DMD: variants seen among roughly 807,000 people sequenced by gnomAD.
DMD encodes mutant dystrophin.
In DMD, 63 loss-of-function variants were observed where a neutral mutation model predicts 330.1. That is an observed-to-expected ratio of 0.19 (90% CI 0.16 to 0.24). The LOEUF is 0.24. Among genes scored for constraint, DMD ranks in the 10% least tolerant of loss-of-function variants. The pLI is 1.00. For missense variants in DMD, 3,344 were observed against 2,684.1 expected (o/e 1.25, Z -5.43); for synonymous variants, 1,223 against 959.8 (o/e 1.27, Z -5.07).
intron 67 of DMD, among the ~76,000 whole-genome samples, chrX:31,193,082 G>A (rs184160800): frequency 1.4e-3 from 153 of 111,377 alleles, no homozygotes; most frequent in Non-Finnish European, 2.2e-3. Flanking sequence ...TAGATGCTAC[G>A]GCATGTATGA....
At chrX:33,331,705 T>G (rs1488993181) in intron 1 of DMD, among the ~76,000 whole-genome samples, 2 of 111,694 alleles carry the variant, frequency 1.8e-5, no homozygotes, top group Admixed American at 1.9e-4. Context: ...CACCTACGTT[T>G]CCAGTTGTCA....
intron 18 of DMD, among the ~76,000 whole-genome samples, chrX:32,503,917 T>C (rs2044347439): frequency 8.9e-6 from 1 of 111,908 alleles, no homozygotes; most frequent in African/African-American, 3.3e-5. Flanking sequence ...GACCTGACGA[T>C]ATCTGACTTC....
At chrX:31,544,061 G>T (rs143648787) in intron 55 of DMD, among the ~76,000 whole-genome samples, 31 of 111,342 alleles carry the variant, frequency 2.8e-4, no homozygotes, top group African/African-American at 9.4e-4. Flanking sequence ...CTATGCGGCT[G>T]GGTGCGGTGG....
chrX:31,962,444 A>G (rs182760027), intron 45 of DMD, among the ~76,000 whole-genome samples: 95 of 111,962 alleles, frequency 8.5e-4, no homozygotes, highest in Admixed American at 3.1e-3. Context: ...TGGAAATCTT[A>G]TTAAAAATGC....
intron 49 of DMD, among the ~76,000 whole-genome samples, chrX:31,830,634 G>GA (rs1301982147): frequency 8.9e-6 from 1 of 111,746 alleles, no homozygotes; most frequent in Non-Finnish European, 1.9e-5. Flanking sequence ...TAAGAAAAAT[G>GA]AAAAAAACAG....
At chrX:32,614,157 C>G in intron 12 of DMD, 146 bp downstream of exon 12, 1 of 597,086 alleles carries the variant, frequency 1.7e-6, no homozygotes, top group Non-Finnish European at 2.5e-6. Context: ...ATTGCAAAAA[C>G]AATTAGGTAA....
chrX:31,405,779 T>TA, intron 60 of DMD, among the ~76,000 whole-genome samples: 1 of 111,619 alleles, frequency 9.0e-6, no homozygotes, highest in South Asian at 3.7e-4. Context: ...ACCACAGTGG[T>TA]AAACCATATA....
chrX:31,691,333 A>G (rs1025997994), intron 52 of DMD, among the ~76,000 whole-genome samples: 1 of 111,816 alleles, frequency 8.9e-6, no homozygotes, highest in African/African-American at 3.2e-5. Flanking sequence ...AAACCATCAA[A>G]ACACAAAGGA....
At chrX:32,485,224 A>C in intron 20 of DMD, 125 bp from the exon 21 acceptor site, 1 of 637,487 alleles carries the variant, frequency 1.6e-6, no homozygotes, top group Non-Finnish European at 2.5e-6. Flanking sequence ...ATCTGATAAG[A>C]AACATCCATG....
intron 9 of DMD, among the ~76,000 whole-genome samples, chrX:32,650,041 G>C: frequency 9.0e-6 from 1 of 111,072 alleles, no homozygotes. Flanking sequence ...AATGAGCTCT[G>C]TGTGTTTCTG....
chrX:32,456,396 A>G (rs1411428117), intron 25 of DMD, among the ~76,000 whole-genome samples: 1 of 111,131 alleles, frequency 9.0e-6, no homozygotes, highest in Non-Finnish European at 1.9e-5. Context: ...TAATAAACTT[A>G]AGAAAACATG....
At chrX:32,654,148 C>G (rs920648473) in intron 9 of DMD, among the ~76,000 whole-genome samples, 2 of 111,081 alleles carry the variant, frequency 1.8e-5, no homozygotes, top group African/African-American at 6.6e-5. Flanking sequence ...TTATTTCCTT[C>G]TTCTGCCTGA....
rs1393930756 is a variant in DMD at position 32,404,608 on chromosome X, A to G, written c.4233+7144T>C. Among the ~76,000 whole-genome samples the G allele has an allele frequency of 2.7e-5, 3 of 111,818 alleles. No individual in the cohort carries two copies. In the Admixed American group the frequency reaches 2.9e-4, roughly 11 times the overall value. On this transcript the variant is annotated intron_variant, in intron 30 of 78. Coordinates refer to ENST00000357033, the MANE Select transcript of DMD (RefSeq NM_004006.3). ...AAAATGTGCATCAACACATAAGGAC[A>G]TGGTGACTTTCAACAGGTGCCCATG...
intron 60 of DMD, among the ~76,000 whole-genome samples, chrX:31,385,810 C>T: frequency 8.9e-6 from 1 of 112,214 alleles, no homozygotes; most frequent in Non-Finnish European, 1.9e-5. Flanking sequence ...TTGTGGAAGA[C>T]AGTGTGGCAA....
intron 11 of DMD, among the ~76,000 whole-genome samples, chrX:32,615,834 T>A (rs1269811023): frequency 2.7e-5 from 3 of 111,905 alleles, no homozygotes; most frequent in Non-Finnish European, 5.7e-5. Flanking sequence ...ATGGAACATC[T>A]CTTACAATTA....
At chrX:31,952,811 G>A (rs2150109336) in intron 45 of DMD, among the ~76,000 whole-genome samples, 1 of 111,564 alleles carries the variant, frequency 9.0e-6, no homozygotes, top group East Asian at 2.8e-4. Context: ...CATATTAAAG[G>A]AGCCCCAAAT....
At chrX:32,585,710 A>G (rs1441989418) in intron 13 of DMD, among the ~76,000 whole-genome samples, 1 of 97,944 alleles carries the variant, frequency 1.0e-5, no homozygotes, top group Non-Finnish European at 2.1e-5. Flanking sequence ...AAAAAAAAAA[A>G]AAAAAAAAAA....
chrX:32,699,622 T>C (rs2063933222), intron 7 of DMD, among the ~76,000 whole-genome samples: 1 of 111,929 alleles, frequency 8.9e-6, no homozygotes, highest in South Asian at 3.7e-4. Context: ...AATAAAAGAT[T>C]ACATTTTCCC....
intron 2 of DMD, among the ~76,000 whole-genome samples, chrX:32,981,705 C>A (rs770424956): frequency 2.0e-3 from 225 of 111,102 alleles, no homozygotes; most frequent in Non-Finnish European, 3.5e-3. Context: ...TTACTAAGAG[C>A]TATAAAATGT....
Sources: allele counts gnomAD v4.1 joint callset (sites outside exome capture counted in the v4.1 genomes callset), GRCh38; gene constraint gnomAD v4.1.1; transcripts MANE v1.5; gene names NCBI Gene and HGNC (gene_info 2026-07-23, HGNC 2026-07-21).